DCHS1: variants seen among roughly 807,000 people sequenced by gnomAD.
The protein encoded by DCHS1 is protocadherin-16.
Under a neutral mutation model 213.9 loss-of-function variants are expected in DCHS1, and 78 were observed. The observed-to-expected ratio is 0.36, with a 90% CI of 0.30 to 0.44. The LOEUF is 0.44. Ranked by LOEUF, DCHS1 falls within the 20% of genes least tolerant of loss-of-function variation. The pLI is 1.00. For missense variants in DCHS1, 3,946 were observed against 4,395.9 expected (o/e 0.90, Z 2.89); for synonymous variants, 1,828 against 1,873.7 (o/e 0.98, Z 0.63).
At position 6,631,181 on chromosome 11, in the gene DCHS1, G is replaced by A. The variant is rs1278354336; in HGVS notation, c.3802C>T (p.Pro1268Ser). 4 of 1,611,408 alleles carry A rather than the reference G, an allele frequency of 2.5e-6. No homozygotes were observed. Among genetic ancestry groups the A allele is most frequent in the African/African-American group, 1.3e-5 (1 of 74,746 alleles). Reference sequence around the variant, plus strand: ...GCAGTGAGCAGCTCCCCTGAGTGAGGGTGCAGAGAGAAAAGCTCTGAGCCA... The same window carrying A: ...GCAGTGAGCAGCTCCCCTGAGTGAGAGTGCAGAGAGAAAAGCTCTGAGCCA... ...GPGSELFSLH[P>S]HSGELLTAAP... Residue 1268 changes from proline to serine, a missense_variant, in exon 9 of 21, where the codon CCT (proline) becomes TCT (serine). By Grantham distance (74) the Pro-to-Ser change is moderately conservative. Transcript: ENST00000299441.
Position 6,640,301 on chromosome 11 carries a change from T to A in DCHS1, c.1313A>T (p.Tyr438Phe). 2 of 1,607,912 alleles carry A rather than the reference T, an allele frequency of 1.2e-6. No individual in the cohort carries two copies. The highest frequency in any genetic ancestry group is 1.7e-6 in the Non-Finnish European group (2 of 1,177,296). ...GTCTGTGGCTGTAACCCTCAAGTTATAGGCATCCCTCTCCTCTCGATCCAG... is the reference window on the plus strand; with the variant it reads ...GTCTGTGGCTGTAACCCTCAAGTTAAAGGCATCCCTCTCCTCTCGATCCAG... ...RRLDREERDA[Y>F]NLRVTATDSG... Residue 438 changes from tyrosine to phenylalanine, a missense_variant, in exon 2 of 21, where the codon TAT becomes TTT. Around this residue, in one of 3 missense-constraint regions of DCHS1, gnomAD observed 3,384 missense variants for 3,780.1 expected, o/e 0.90. Coordinates refer to ENST00000299441, the MANE Select transcript of DCHS1 (RefSeq NM_003737.4). This position sits in a 1 kb window ranked among gnomAD's most constrained non-coding sequence, Gnocchi z 6.5.
At position 6,655,701 on chromosome 11, in the gene DCHS1, C is replaced by A. The variant is rs1856306370; in HGVS notation, c.-259G>T. On this transcript the variant is annotated 5_prime_UTR_variant, in exon 1 of 21. Transcript: ENST00000299441. The stretch of plus-strand genomic sequence containing the variant: ...CTGTCTCCGAGGCCCGCGATCCCCT[C>A]CGGGCAGCCGCCGTCGGTCCGCGCG... 1.0e-6 allele frequency: 1 copy of A among 980,562 alleles called. No individual in the cohort carries two copies. The highest frequency in any genetic ancestry group is 1.8e-5 in the African/African-American group (1 of 56,726). The allele number at this position is 980,562 out of a possible 1,614,324, so 60.7% of individuals were successfully genotyped here.
intron 8 of DCHS1, 41 bp downstream of exon 8, chr11:6,631,270 C>T (rs767685071): frequency 1.9e-6 from 3 of 1,613,794 alleles, no homozygotes; most frequent in Non-Finnish European, 2.5e-6. Context: ...GCCATGAGGG[C>T]ATGCCATCAC....
In DCHS1 at chr11:6,624,717, G is replaced by A. The variant is rs776558735; in HGVS notation, c.7285+13C>T. 1.2e-6 allele frequency: 2 copies of A among 1,613,844 alleles called. No individual in the cohort carries two copies. Among genetic ancestry groups the A allele is most frequent in the East Asian group, 2.2e-5 (1 of 44,880 alleles). ...CAGTCAAAGGCAAGGGGCAGATCCT[G>A]GGAAAGACGCACCATTGTTGGGGTC... On this transcript the variant is annotated intron_variant, in intron 20 of 20. Transcript: ENST00000299441.
chr11:6,648,510 G>T (rs1856199610), intron 1 of DCHS1, among the ~76,000 whole-genome samples: 1 of 152,208 alleles, frequency 6.6e-6, no homozygotes, highest in Non-Finnish European at 1.5e-5. Flanking sequence ...CAAGCCTCTT[G>T]CAGTGGGAAA....
At chr11:6,649,342 A>G (rs544442095) in intron 1 of DCHS1, among the ~76,000 whole-genome samples, 7 of 152,006 alleles carry the variant, frequency 4.6e-5, no homozygotes, top group Admixed American at 1.3e-4. Context: ...GAGAATGATC[A>G]AAGTTCTGTT....
Position 6,621,765 on chromosome 11 carries a change from A to C in DCHS1, c.*14T>G. ...CTGTGCGCATCCCAGGTCGGGGCCC[A>C]GCCTGGGCCACAGCTAGATGTGCAG... On this transcript the variant is annotated 3_prime_UTR_variant, in exon 21 of 21. Coordinates refer to ENST00000299441, the MANE Select transcript of DCHS1 (RefSeq NM_003737.4). 6.4e-7 allele frequency: 1 copy of C among 1,565,630 alleles called. No individual in the cohort carries two copies.
Position 6,622,024 on chromosome 11 carries a change from G to A in DCHS1, c.9652C>T (p.Pro3218Ser). The change falls in exon 21 of 21, where the codon CCC becomes TCC. Residue 3218 changes from proline to serine, a missense_variant. Around this residue, in one of 3 missense-constraint regions of DCHS1, gnomAD observed 554 missense variants for 590.2 expected, o/e 0.94. Coordinates refer to ENST00000299441, the MANE Select transcript of DCHS1 (RefSeq NM_003737.4). This position sits in a 1 kb window ranked among gnomAD's most constrained non-coding sequence, Gnocchi z 5.4. ...GCTGCAGCTGTGTTTGCTGGCTTGG[G>A]GGGCACAGACTTGGCTCCTGGGTGG... Reference protein sequence around the residue: ...VAHPGAKSVPPKPANTAAARA... With the variant: ...VAHPGAKSVPSKPANTAAARA... The A allele has an allele frequency of 6.2e-7, 1 of 1,613,374 alleles. No individual in the cohort carries two copies. The highest frequency in any genetic ancestry group is 8.5e-7 in the Non-Finnish European group (1 of 1,179,796).
At chr11:6,650,694 G>A (rs1426594402) in intron 1 of DCHS1, among the ~76,000 whole-genome samples, 1 of 152,152 alleles carries the variant, frequency 6.6e-6, no homozygotes, top group Non-Finnish European at 1.5e-5. Flanking sequence ...GACACCTCTG[G>A]GGAAAGAATC....
At position 6,630,032 on chromosome 11, in the gene DCHS1, C is replaced by T. The variant is rs777207589; in HGVS notation, c.4762G>A (p.Gly1588Arg). Residue 1588 changes from glycine to arginine, a missense_variant, in exon 10 of 21, where the codon GGG becomes AGG. Around this residue, in one of 3 missense-constraint regions of DCHS1, gnomAD observed 3,384 missense variants for 3,780.1 expected, o/e 0.90. Transcript: ENST00000299441. ...GAGTGCAGCCGGAAGTGGCCGTCCC[C>T]GCCAGATGCCAGCCGATAGGACACG... ...ARVSYRLASG[G>R]DGHFRLHSST... The T allele has an allele frequency of 4.9e-5, 76 of 1,557,674 alleles. No individual in the cohort carries two copies. The highest frequency in any genetic ancestry group is 6.1e-5 in the Non-Finnish European group (70 of 1,148,404).
At chr11:6,646,850 C>G (rs1023370791) in intron 1 of DCHS1, among the ~76,000 whole-genome samples, 1 of 152,178 alleles carries the variant, frequency 6.6e-6, no homozygotes, top group Non-Finnish European at 1.5e-5. Context: ...CCTCACACCC[C>G]CAGCCTGTGT....
At chr11:6,637,602 C>T (rs1856004334) in intron 2 of DCHS1, among the ~76,000 whole-genome samples, 1 of 151,890 alleles carries the variant, frequency 6.6e-6, no homozygotes, top group Non-Finnish European at 1.5e-5. Flanking sequence ...CCCTCCCACA[C>T]CTCTGTGCAC....
Position 6,634,185 on chromosome 11 carries a change from G to A in DCHS1, c.1919C>T (p.Thr640Ile). ...CTGGTCACGGTCCAGGGTCCGGGTTGTGCACACATCACCGCTGTGGGCATC... is the reference window on the plus strand; with the variant it reads ...CTGGTCACGGTCCAGGGTCCGGGTTATGCACACATCACCGCTGTGGGCATC... ...RIDAHSGDVCTTRTLDRDQGP... is the reference protein window; with the variant it reads ...RIDAHSGDVCITRTLDRDQGP... Residue 640 changes from threonine to isoleucine, a missense_variant, in exon 3 of 21, where the codon ACA becomes ATA. Thr to Ile is a moderately conservative substitution (Grantham distance 89). Coordinates refer to ENST00000299441, the MANE Select transcript of DCHS1 (RefSeq NM_003737.4). The A allele has an allele frequency of 1.2e-6, 2 of 1,613,900 alleles. No individual in the cohort carries two copies. Among genetic ancestry groups the A allele is most frequent in the Non-Finnish European group, 1.7e-6 (2 of 1,179,820 alleles).
Position 6,625,660 on chromosome 11 carries a change from C to T in DCHS1, c.6799G>A (p.Val2267Ile), listed in dbSNP as rs1370205262. 3.1e-6 allele frequency: 5 copies of T among 1,613,488 alleles called. No homozygotes were observed. In the South Asian group the frequency reaches 5.5e-5, roughly 18 times the overall value. ...LVGSATLTVM[V>I]IDTNDNRPTI... ...GGGCGATTGTCATTGGTGTCGATGA[C>T]CATCACCGTCAAGGTAGCTGAGCCC... Residue 2267 changes from valine to isoleucine, a missense_variant, in exon 18 of 21, where the codon GTC (valine) becomes ATC (isoleucine). By Grantham distance (29) the Val-to-Ile change is conservative. Transcript: ENST00000299441. This position sits in a 1 kb window ranked among gnomAD's most constrained non-coding sequence, Gnocchi z 5.3.
At position 6,630,549 on chromosome 11, in the gene DCHS1, C is replaced by G; in HGVS notation, c.4245G>C (p.Ala1415=). The G allele has an allele frequency of 6.5e-7, 1 of 1,533,594 alleles. No homozygotes were observed. Among genetic ancestry groups the G allele is most frequent in the Middle Eastern group, 1.8e-4 (1 of 5,616 alleles). The allele number at this position is 1,533,594 out of a possible 1,614,324, so 95.0% of individuals were successfully genotyped here. ...LTVRAEGPGG[A]GARLLRVQVQ... ...CCTGCACTCGCAGCAGCCGCGCGCC[C>G]GCGCCTCCCGGCCCCTCAGCGCGTA... Residue 1415 remains alanine (A), a synonymous_variant, in exon 10 of 21, where the codon GCG becomes GCC. Coordinates refer to ENST00000299441, the MANE Select transcript of DCHS1 (RefSeq NM_003737.4).
At chr11:6,655,440 C>A (rs1380781187) in intron 1 of DCHS1, 123 bp downstream of exon 1, 5 of 618,592 alleles carry the variant, frequency 8.1e-6, no homozygotes, top group African/African-American at 2.0e-5. Context: ...CCCAGGCCCC[C>A]CCTCCCCCAT....
At position 6,639,984 on chromosome 11, in the gene DCHS1, G is replaced by A. The variant is rs1374566542; in HGVS notation, c.1630C>T (p.Pro544Ser). 2 of 1,613,996 alleles carry A rather than the reference G, an allele frequency of 1.2e-6. No individual in the cohort carries two copies. The highest frequency in any genetic ancestry group is 1.3e-5 in the African/African-American group (1 of 75,054). ...ASLDYELEPQ[P>S]QLIVVATDGG... ...TCTGTGGCCACCACAATCAGCTGTGGCTGAGGTTCCAACTCATAGTCCAGT... is the reference window on the plus strand; with the variant it reads ...TCTGTGGCCACCACAATCAGCTGTGACTGAGGTTCCAACTCATAGTCCAGT... The change falls in exon 2 of 21, where the codon CCA becomes TCA. Residue 544 changes from proline to serine, a missense_variant. By Grantham distance (74) the Pro-to-Ser change is moderately conservative. Around this residue, in one of 3 missense-constraint regions of DCHS1, gnomAD observed 3,384 missense variants for 3,780.1 expected, o/e 0.90. Coordinates refer to ENST00000299441, the MANE Select transcript of DCHS1 (RefSeq NM_003737.4).
Position 6,621,867 on chromosome 11 carries a change from G to C in DCHS1, c.9809C>G (p.Pro3270Arg), listed in dbSNP as rs1018082495. The C allele has an allele frequency of 1.2e-6, 2 of 1,611,860 alleles. No individual in the cohort carries two copies. Among genetic ancestry groups the C allele is most frequent in the Admixed American group, 1.7e-5 (1 of 59,766 alleles). The change falls in exon 21 of 21, where the codon CCA (proline) becomes CGA (arginine). Residue 3270 changes from proline (P) to arginine (R), a missense_variant. Around this residue, in one of 3 missense-constraint regions of DCHS1, gnomAD observed 554 missense variants for 590.2 expected, o/e 0.94. Transcript: ENST00000299441. ...TGAGGGACCCTGGGCCACCCCAAAT[G>C]GTGAGACAACGGGTGAGCGAGCAGC... ...PLAARSPVVS[P>R]FGVAQGPSAS...
In DCHS1 at chr11:6,627,559, G is replaced by C. The variant is rs1252513660; in HGVS notation, c.5480C>G (p.Ala1827Gly). 2.5e-6 allele frequency: 4 copies of C among 1,612,696 alleles called. No individual in the cohort carries two copies. The Admixed American group carries it at 6.7e-5, about 27-fold the overall frequency. Residue 1827 changes from alanine (A) to glycine (G), a missense_variant, in exon 14 of 21, where the codon GCC (alanine) becomes GGC (glycine). Physicochemically the swap from Ala to Gly is moderately conservative, Grantham distance 60. Transcript: ENST00000299441. This position sits in a 1 kb window ranked among gnomAD's most constrained non-coding sequence, Gnocchi z 5.4. ...GAGAGCTGGCTGGCCTCCATCCCGGGCCTCTATCCTCAGCTGGAAAGCTGG... is the reference window on the plus strand; with the variant it reads ...GAGAGCTGGCTGGCCTCCATCCCGGCCCTCTATCCTCAGCTGGAAAGCTGG... The part of the protein sequence containing the change: ...VEPAFQLRIE[A>G]RDGGQPALSA...
Sources: allele counts gnomAD v4.1 joint callset (sites outside exome capture counted in the v4.1 genomes callset), GRCh38; gene constraint gnomAD v4.1.1; regional missense constraint gnomAD v4.1.1; non-coding constraint Gnocchi (gnomAD v3.1); transcripts MANE v1.5; gene names NCBI Gene and HGNC (gene_info 2026-07-23, HGNC 2026-07-21).